MRPS25: variants seen among roughly 807,000 people sequenced by gnomAD.
MRPS25 encodes mitochondrial ribosomal protein S25, also known as small ribosomal subunit protein mS25.
MRPS25 carries 15 observed loss-of-function variants against 17.3 expected under a neutral mutation model. The observed-to-expected ratio is 0.87, with a 90% CI of 0.58 to 1.34. MRPS25 has a LOEUF of 1.34. Among genes scored for constraint, MRPS25 ranks in the 40% most tolerant of loss-of-function variants. The pLI is 0.00. For missense variants in MRPS25, 225 were observed against 218.6 expected (o/e 1.03, Z -0.19); for synonymous variants, 94 against 83.3 (o/e 1.13, Z -0.70).
chr3:15,053,113 G>C (rs1047671916), intron 3 of MRPS25, among the ~76,000 whole-genome samples: 1 of 152,208 alleles, frequency 6.6e-6, no homozygotes, highest in Non-Finnish European at 1.5e-5. Flanking sequence ...CCACAAGTCA[G>C]CTGCATTTCA....
At chr3:15,060,255 G>A (rs997092732) in intron 1 of MRPS25, among the ~76,000 whole-genome samples, 1 of 152,142 alleles carries the variant, frequency 6.6e-6, no homozygotes, top group Non-Finnish European at 1.5e-5. Flanking sequence ...GCTCACACCT[G>A]TAATCCCAGC....
Position 15,049,689 on chromosome 3 carries a change from A to G in MRPS25, c.*2752T>C. 1.8e-6 allele frequency: 1 copy of G among 558,498 alleles called. No homozygotes were observed. Among genetic ancestry groups the G allele is most frequent in the Non-Finnish European group, 3.1e-6 (1 of 321,778 alleles). 34.6% of individuals were successfully genotyped at this position (558,498 alleles called of 1,614,324 possible). On this transcript the variant is annotated 3_prime_UTR_variant, in exon 4 of 4. Transcript: ENST00000253686. The stretch of plus-strand genomic sequence containing the variant: ...CCAAAAGTTTCAGAAGTTAGAACAT[A>G]TTCATTATGTCATCTGACCTCTCAT...
At chr3:15,048,088 A>G (rs2042519886), downstream of MRPS25, 1 of 152,632 alleles carries the variant, frequency 6.6e-6, no homozygotes, top group African/African-American at 2.4e-5. Flanking sequence ...CACATAATCC[A>G]CAGTTTCCTC....
chr3:15,063,497 C>A (rs1378100786), intron 1 of MRPS25, among the ~76,000 whole-genome samples: 1 of 152,082 alleles, frequency 6.6e-6, no homozygotes, highest in Non-Finnish European at 1.5e-5. Flanking sequence ...CTGCGGCTAG[C>A]CAGAGCAAGG....
Position 15,050,074 on chromosome 3 carries a change from C to A in MRPS25, c.*2367G>T. The A allele has an allele frequency of 7.0e-7, 1 of 1,429,896 alleles. No homozygotes were observed. The allele number at this position is 1,429,896 out of a possible 1,614,324, so 88.6% of individuals were successfully genotyped here. A position where few individuals can be genotyped will look rare whatever the true frequency, so the allele number is the denominator to read the frequency against. ...TTCTCCCATTTCTGTATATTTTAAA[C>A]CCATCTTTCATCACTACTAAACAAA... On this transcript the variant is annotated 3_prime_UTR_variant, in exon 4 of 4. Transcript: ENST00000253686.
At position 15,049,969 on chromosome 3, in the gene MRPS25, A is replaced by C; in HGVS notation, c.*2472T>G. The stretch of plus-strand genomic sequence containing the variant: ...GAAGAAAAGTGGTCACTTCAGAATA[A>C]GGCTGTGAACACTGCTTGTGCAAGT... On this transcript the variant is annotated 3_prime_UTR_variant, in exon 4 of 4. Coordinates refer to ENST00000253686, the MANE Select transcript of MRPS25 (RefSeq NM_022497.5). The C allele has an allele frequency of 1.3e-6, 2 of 1,517,618 alleles. No homozygotes were observed. The highest frequency in any genetic ancestry group is 1.8e-6 in the Non-Finnish European group (2 of 1,141,330). 94.0% of individuals were successfully genotyped at this position (1,517,618 alleles called of 1,614,324 possible).
intron 1 of MRPS25, among the ~76,000 whole-genome samples, chr3:15,060,371 G>C (rs1291626377): frequency 1.3e-5 from 2 of 151,940 alleles, no homozygotes; most frequent in African/African-American, 2.4e-5. Flanking sequence ...AAATTAGCTG[G>C]GCATAGTGGT....
In MRPS25 at chr3:15,051,684, A is replaced by G. The variant is rs1291656513; in HGVS notation, c.*757T>C. On this transcript the variant is annotated 3_prime_UTR_variant, in exon 4 of 4. Coordinates refer to ENST00000253686, the MANE Select transcript of MRPS25 (RefSeq NM_022497.5). The stretch of plus-strand genomic sequence containing the variant: ...GGAGCCAGCAGAGCCAGCTATAGAC[A>G]CCATCCCCCCAGCAGGGCCCCAATG... 5.1e-6 allele frequency: 5 copies of G among 985,660 alleles called. No individual in the cohort carries two copies. The highest frequency in any genetic ancestry group is 6.0e-6 in the Non-Finnish European group (5 of 830,270). The allele number at this position is 985,660 out of a possible 1,614,324, so 61.1% of individuals were successfully genotyped here. A position where few individuals can be genotyped will look rare whatever the true frequency, so the allele number is the denominator to read the frequency against.
At chr3:15,047,718 C>T (rs1016752930), downstream of MRPS25, 4 of 152,222 alleles carry the variant, frequency 2.6e-5, no homozygotes, top group Non-Finnish European at 4.4e-5. Flanking sequence ...AAACAACCTA[C>T]CAAGTATTAT....
rs1301047026 is a variant in MRPS25, at chr3:15,049,009, C to T, written c.*3432G>A. The stretch of plus-strand genomic sequence containing the variant: ...ACCTGTTGAAAGCTGCAGCTTTATA[C>T]AGCTTTCTTCTCCCTGTGAAATCAC... On this transcript the variant is annotated 3_prime_UTR_variant, in exon 4 of 4. Coordinates refer to ENST00000253686, the MANE Select transcript of MRPS25 (RefSeq NM_022497.5). The T allele has an allele frequency of 2.0e-5, 3 of 152,644 alleles. No individual in the cohort carries two copies. The highest frequency in any genetic ancestry group is 4.8e-5 in the African/African-American group (2 of 41,454). The allele number at this position is 152,644 out of a possible 1,614,324, so 9.5% of individuals were successfully genotyped here.
chr3:15,054,148 T>C (rs2042641111), intron 2 of MRPS25, among the ~76,000 whole-genome samples: 1 of 151,856 alleles, frequency 6.6e-6, no homozygotes. Flanking sequence ...GAGGCAGAGG[T>C]TGCAGTGAGT....
At chr3:15,053,125 C>G (rs2042626627) in intron 3 of MRPS25, among the ~76,000 whole-genome samples, 1 of 152,212 alleles carries the variant, frequency 6.6e-6, no homozygotes, top group Non-Finnish European at 1.5e-5. Flanking sequence ...TGCATTTCAG[C>G]TTCCCGTCCC....
At chr3:15,047,373 T>G (rs1423571390), downstream of MRPS25, 3 of 152,220 alleles carry the variant, frequency 2.0e-5, no homozygotes, top group Non-Finnish European at 4.4e-5. Context: ...TTCTCTAGGT[T>G]CGGACAAGAG....
downstream of MRPS25, chr3:15,043,941 A>T (rs1459163369): frequency 3.9e-5 from 6 of 152,238 alleles, no homozygotes; most frequent in Non-Finnish European, 8.8e-5. Context: ...TTGTGACCAA[A>T]AAGTGCAAGG....
At chr3:15,042,891 A>G (rs2042319822), downstream of MRPS25, 2 of 1,614,018 alleles carry the variant, frequency 1.2e-6, no homozygotes, top group East Asian at 4.5e-5. Flanking sequence ...CCAACATAAC[A>G]GAAGAACTTT....
At chr3:15,063,107 T>C (rs540850577) in intron 1 of MRPS25, among the ~76,000 whole-genome samples, 3 of 151,378 alleles carry the variant, frequency 2.0e-5, no homozygotes, top group African/African-American at 7.3e-5. Flanking sequence ...AACTGCTGTA[T>C]ATGCCAGACA....
intron 3 of MRPS25, 74 bp downstream of exon 3, chr3:15,053,306 C>A: frequency 1.9e-6 from 3 of 1,604,934 alleles, no homozygotes; most frequent in Non-Finnish European, 2.6e-6. Flanking sequence ...AACACCCTTC[C>A]CACACACCCC....
chr3:15,051,847 A>C lies in MRPS25; in HGVS notation c.*594T>G. Reference sequence around the variant, plus strand: ...CCTGAGTGAGGCTGGCCTGTCAGCCACTGGGGCTCCTCCATCTCTGGCCCA... The same window carrying C: ...CCTGAGTGAGGCTGGCCTGTCAGCCCCTGGGGCTCCTCCATCTCTGGCCCA... On this transcript the variant is annotated 3_prime_UTR_variant, in exon 4 of 4. Coordinates refer to ENST00000253686, the MANE Select transcript of MRPS25 (RefSeq NM_022497.5). The C allele has an allele frequency of 1.0e-6, 1 of 985,404 alleles. No individual in the cohort carries two copies. The highest frequency in any genetic ancestry group is 4.7e-5 in the South Asian group (1 of 21,282). 61.0% of individuals were successfully genotyped at this position (985,404 alleles called of 1,614,324 possible). A position where few individuals can be genotyped will look rare whatever the true frequency, so the allele number is the denominator to read the frequency against.
downstream of MRPS25, chr3:15,042,975 G>A: frequency 6.2e-7 from 1 of 1,614,180 alleles, no homozygotes; most frequent in South Asian, 1.1e-5. Context: ...AGACAGCAGA[G>A]TATAATGGCC....
Sources: allele counts gnomAD v4.1 joint callset (sites outside exome capture counted in the v4.1 genomes callset), GRCh38; gene constraint gnomAD v4.1.1; transcripts MANE v1.5; gene names NCBI Gene and HGNC (gene_info 2026-07-23, HGNC 2026-07-21).